The following LRRTM4 variants were observed in gnomAD, a reference collection of about 807,000 sequenced individuals.
LRRTM4 encodes the protein leucine rich repeat transmembrane neuronal 4, also known as leucine-rich repeat transmembrane neuronal protein 4.
A neutral mutation model predicts 47.6 loss-of-function variants in LRRTM4; 25 were observed. That is an observed-to-expected ratio of 0.53 (90% CI 0.38 to 0.73). LRRTM4 has a LOEUF of 0.73. Ranked by LOEUF, LRRTM4 falls within the 30% of genes least tolerant of loss-of-function variation. The pLI, the probability that LRRTM4 is intolerant of heterozygous loss-of-function variation, is 0.00. For missense variants in LRRTM4, 638 were observed against 713.4 expected, an observed-to-expected ratio of 0.89 and a Z score of 1.20; for synonymous variants, 311 against 269.5, an observed-to-expected ratio of 1.15 and a Z score of -1.51.
intron 3 of LRRTM4, among the ~76,000 whole-genome samples, chr2:76,995,598 A>G (rs1002967570): frequency 1.3e-5 from 2 of 152,008 alleles, no homozygotes; most frequent in African/African-American, 4.8e-5. Flanking sequence ...CAGCTGAAAC[A>G]CCCACAAAAG....
intron 3 of LRRTM4, among the ~76,000 whole-genome samples, chr2:76,978,418 T>C (rs1468886234): frequency 6.6e-6 from 1 of 152,114 alleles, no homozygotes; most frequent in Non-Finnish European, 1.5e-5. Context: ...CATTTTTTCT[T>C]ATGTAACATG....
chr2:77,129,530 C>T (rs1572990238), intron 3 of LRRTM4, among the ~76,000 whole-genome samples: 1 of 152,318 alleles, frequency 6.6e-6, no homozygotes, highest in East Asian at 1.9e-4. Flanking sequence ...AAATATGCTT[C>T]ATTTCATCCT....
chr2:77,341,450 C>T (rs1280026899), intron 3 of LRRTM4, among the ~76,000 whole-genome samples: 1 of 151,978 alleles, frequency 6.6e-6, no homozygotes, highest in African/African-American at 2.4e-5. Flanking sequence ...GTAAGCCTTT[C>T]CTTACCATAT....
At chr2:77,245,519 A>G (rs926379794) in intron 3 of LRRTM4, among the ~76,000 whole-genome samples, 4 of 64,346 alleles carry the variant, frequency 6.2e-5, no homozygotes, top group African/African-American at 1.1e-4. Context: ...CACTGCCTCA[A>G]AAAAAAAAAA....
chr2:77,483,118 CAAAAAAAAAAAAAAA>C (rs776265725), intron 3 of LRRTM4, among the ~76,000 whole-genome samples: 893 of 60,588 alleles, frequency 0.015, 20 homozygotes, highest in Middle Eastern at 0.065. Flanking sequence ...AAGACTGTCT[CAAAAAAAAAAAAAAA>C]AAAAAAAAAA....
intron 3 of LRRTM4, among the ~76,000 whole-genome samples, chr2:77,059,550 T>C (rs1217826879): frequency 6.6e-6 from 1 of 152,172 alleles, no homozygotes; most frequent in Admixed American, 6.5e-5. Context: ...ATAATTTGTT[T>C]AGAATCAAGT....
chr2:77,244,192 C>T (rs953818273), intron 3 of LRRTM4, among the ~76,000 whole-genome samples: 1 of 137,924 alleles, frequency 7.3e-6, no homozygotes, highest in Non-Finnish European at 1.5e-5. Flanking sequence ...TGGGTTGGTT[C>T]CAAGTCTTTG....
intron 3 of LRRTM4, among the ~76,000 whole-genome samples, chr2:77,359,758 T>C (rs1672108365): frequency 6.6e-6 from 1 of 152,192 alleles, no homozygotes; most frequent in South Asian, 2.1e-4. Flanking sequence ...CTAATAGATG[T>C]GGACAGTCAT....
intron 3 of LRRTM4, among the ~76,000 whole-genome samples, chr2:77,412,250 A>G (rs147790662): frequency 1.1e-3 from 175 of 152,358 alleles, no homozygotes; most frequent in African/African-American, 4.0e-3. Flanking sequence ...TTTAGTTCGC[A>G]GTACAATCAA....
At chr2:76,922,614 G>C (rs377055456) in intron 3 of LRRTM4, among the ~76,000 whole-genome samples, 6 of 152,176 alleles carry the variant, frequency 3.9e-5, no homozygotes, top group African/African-American at 1.4e-4. Flanking sequence ...TAGGTGCCAA[G>C]GGCTGGGAGG....
intron 3 of LRRTM4, among the ~76,000 whole-genome samples, chr2:76,932,959 A>G (rs1674823583): frequency 6.6e-6 from 1 of 152,148 alleles, no homozygotes; most frequent in Admixed American, 6.6e-5. Flanking sequence ...CCCGTCATCT[A>G]CATTAGGTAT....
intron 3 of LRRTM4, among the ~76,000 whole-genome samples, chr2:77,321,556 G>C (rs868174628): frequency 2.0e-5 from 2 of 101,640 alleles, no homozygotes; most frequent in Non-Finnish European, 3.7e-5. Context: ...TCGGGGAGGG[G>C]GGGGGGTGTG....
intron 3 of LRRTM4, among the ~76,000 whole-genome samples, chr2:77,426,674 T>C (rs1432134910): frequency 6.6e-6 from 1 of 152,104 alleles, no homozygotes; most frequent in East Asian, 1.9e-4. Context: ...CTTCTTTTCC[T>C]CCCCTACTTT....
intron 3 of LRRTM4, among the ~76,000 whole-genome samples, chr2:76,763,057 T>A (rs1051263978): frequency 6.6e-6 from 1 of 152,202 alleles, no homozygotes; most frequent in Non-Finnish European, 1.5e-5. Context: ...TTCTCTTCCT[T>A]TCTATCGCCT....
At chr2:76,995,631 A>G (rs1677173578) in intron 3 of LRRTM4, among the ~76,000 whole-genome samples, 1 of 152,022 alleles carries the variant, frequency 6.6e-6, no homozygotes, top group African/African-American at 2.4e-5. Context: ...AGTCACAGTC[A>G]TTGCCTAGTG....
At chr2:76,800,976 C>G (rs1675642260) in intron 3 of LRRTM4, among the ~76,000 whole-genome samples, 1 of 149,490 alleles carries the variant, frequency 6.7e-6, no homozygotes, top group South Asian at 2.2e-4. Flanking sequence ...CCATCTCACA[C>G]CAGTTAGAAT....
At chr2:76,874,125 CG>C (rs1672714850) in intron 3 of LRRTM4, among the ~76,000 whole-genome samples, 1 of 149,562 alleles carries the variant, frequency 6.7e-6, no homozygotes, top group Non-Finnish European at 1.5e-5. Context: ...TTTTTTTTCT[CG>C]GAACATTTGC....
chr2:76,955,707 A>T lies in LRRTM4; in HGVS notation c.1552-206791T>A, dbSNP rs575188602. On this transcript the variant is annotated intron_variant, in intron 3 of 3. Transcript: ENST00000409884. ...ATGGAATTAATGACCACCTAAAAACAGAAGAAGATGCAGGATCTCACCTTT... is the reference window on the plus strand; with the variant it reads ...ATGGAATTAATGACCACCTAAAAACTGAAGAAGATGCAGGATCTCACCTTT... Among the ~76,000 whole-genome samples the T allele has an allele frequency of 4.6e-5, 7 of 151,882 alleles. No homozygotes were observed. The South Asian group carries it at 1.5e-3, about 31-fold the overall frequency.
intron 3 of LRRTM4, among the ~76,000 whole-genome samples, chr2:77,448,092 T>C (rs13396790): frequency 2.0e-5 from 3 of 152,182 alleles, no homozygotes; most frequent in Non-Finnish European, 4.4e-5. Context: ...TTTTCCTTAA[T>C]CATTCTCTAA....
Sources: gnomAD v4.1 joint callset for allele counts (sites outside exome capture counted in the v4.1 genomes callset) on GRCh38, gnomAD v4.1.1 for gene constraint, MANE v1.5 for transcripts, NCBI Gene and HGNC (gene_info 2026-07-23, HGNC 2026-07-21) for gene names.